Variants in LRRC37B observed in about 807,000 individuals in gnomAD.
LRRC37B encodes leucine-rich repeat-containing protein 37B.
In LRRC37B, 28 loss-of-function variants were observed where a neutral mutation model predicts 98.3. The observed-to-expected ratio is 0.28, with a 90% CI of 0.21 to 0.39. The LOEUF (loss-of-function observed/expected upper bound fraction) is 0.39. Among genes scored for constraint, LRRC37B ranks in the 10% least tolerant of loss-of-function variants. The pLI is 1.00. For synonymous variants in LRRC37B, 364 were observed against 442.7 expected (o/e 0.82, Z 2.23); for missense variants, 938 against 1,182.7 (o/e 0.79, Z 3.03).
chr17:32,009,042 T>C lies in LRRC37B; in HGVS notation c.-191+910T>C, dbSNP rs780182877. 3.2e-4 allele frequency among the ~76,000 whole-genome samples: 49 copies of C among 152,326 alleles called. No homozygotes were observed. In the Middle Eastern group the frequency reaches 0.017, roughly 53 times the overall value. On this transcript the variant is annotated intron_variant, in intron 1 of 14. Coordinates refer to the LRRC37B transcript ENST00000543378. ...AAGTAGCTGTACCATTTTTCATTCT[T>C]ACCTGCAAATGTATGAAGAGTTCCG...
chr17:32,031,867 G>T (rs1384322195), intron 5 of LRRC37B, among the ~76,000 whole-genome samples: 1 of 151,942 alleles, frequency 6.6e-6, no homozygotes, highest in African/African-American at 2.4e-5. Flanking sequence ...TTAGCTGGGC[G>T]TAGTGATGCA....
intron 1 of LRRC37B, among the ~76,000 whole-genome samples, chr17:32,013,714 G>A (rs561361216): frequency 3.3e-5 from 5 of 150,230 alleles, no homozygotes; most frequent in Non-Finnish European, 7.4e-5. Context: ...TTGTATATGT[G>A]TGTGTGTGTG....
intron 5 of LRRC37B, 96 bp from the exon 9 acceptor site, chr17:32,034,814 T>G: frequency 2.3e-6 from 2 of 880,228 alleles, no homozygotes; most frequent in Non-Finnish European, 3.6e-6. Context: ...TTATTTTTTT[T>G]ACCTAAAAGT....
At chr17:32,024,354 C>T in intron 1 of LRRC37B, 1 of 584,846 alleles carries the variant, frequency 1.7e-6, no homozygotes, top group Non-Finnish European at 3.1e-6. Flanking sequence ...TAAGCTTATG[C>T]CCATTTTTCT....
chr17:32,007,858 C>T (rs1021621263), upstream of LRRC37B: 33 of 1,147,048 alleles, frequency 2.9e-5, no homozygotes, highest in Admixed American at 4.7e-5. This position sits in a 1 kb window ranked among gnomAD's most constrained non-coding sequence, Gnocchi z 4.1. Flanking sequence ...GCGCCGGCAC[C>T]AGCGCACGGG....
chr17:32,047,605 A>C (rs1050159126), intron 8 of LRRC37B, 156 bp from the exon 12 acceptor site: 131 of 1,067,222 alleles, frequency 1.2e-4, no homozygotes, highest in Non-Finnish European at 1.8e-4. Flanking sequence ...TTGCCATTTC[A>C]TAGGTTTAGG....
At chr17:32,047,861 G>A (rs775007013) in exon 9 of LRRC37B, 21 of 1,614,026 alleles carry the variant, frequency 1.3e-5, no homozygotes, top group South Asian at 3.3e-5. Flanking sequence ...AGTCGGAGGC[G>A]CCCTCAGACA....
At chr17:32,023,598 TG>T (rs1190650177) in intron 1 of LRRC37B, among the ~76,000 whole-genome samples, 1 of 152,216 alleles carries the variant, frequency 6.6e-6, no homozygotes, top group Non-Finnish European at 1.5e-5. Flanking sequence ...CCTTTTAAAC[TG>T]GGGATTATGC....
chr17:32,018,469 G>T (rs1910693808), upstream of LRRC37B, among the ~76,000 whole-genome samples: 1 of 152,144 alleles, frequency 6.6e-6, no homozygotes, highest in Non-Finnish European at 1.5e-5. Flanking sequence ...TGAGTGCAGG[G>T]TATTTCTGGG....
intron 3 of LRRC37B, 84 bp from the exon 7 acceptor site, chr17:32,030,572 A>G (rs1208764060): frequency 1.0e-5 from 13 of 1,262,208 alleles, no homozygotes; most frequent in African/African-American, 3.0e-5. Context: ...TGTGTATTCA[A>G]TATTATTCTA....
chr17:32,036,433 TATATA>T (rs1177563919), intron 7 of LRRC37B, among the ~76,000 whole-genome samples: 1 of 152,136 alleles, frequency 6.6e-6, no homozygotes, highest in Non-Finnish European at 1.5e-5. Flanking sequence ...AAAAATAAAA[TATATA>T]AAATAATACA....
intron 8 of LRRC37B, among the ~76,000 whole-genome samples, chr17:32,046,065 A>G (rs1911569095): frequency 2.0e-5 from 3 of 152,350 alleles, no homozygotes; most frequent in South Asian, 4.1e-4. Flanking sequence ...TGGGAAGGCT[A>G]GGGAATAACA....
chr17:32,030,437 T>G (rs1911080374), intron 3 of LRRC37B, among the ~76,000 whole-genome samples: 1 of 150,864 alleles, frequency 6.6e-6, no homozygotes, highest in Admixed American at 6.6e-5. Context: ...AATTCCAAAG[T>G]CTATTAAGTT....
chr17:32,018,058 T>C (rs971317337), upstream of LRRC37B: 2 of 205,490 alleles, frequency 9.7e-6, no homozygotes, highest in Non-Finnish European at 1.1e-5. Context: ...AATTCAAGTA[T>C]GTGGAGATAA....
At chr17:32,024,328 T>A in intron 1 of LRRC37B, 1 of 572,548 alleles carries the variant, frequency 1.7e-6, no homozygotes, top group Non-Finnish European at 3.2e-6. Context: ...TCTTTCTACT[T>A]ATTTATCGAT....
chr17:32,046,803 G>A (rs1371938244), intron 8 of LRRC37B, among the ~76,000 whole-genome samples: 3 of 151,854 alleles, frequency 2.0e-5, no homozygotes, highest in Non-Finnish European at 2.9e-5. Flanking sequence ...TACTTCTTCC[G>A]CTGACCTTCA....
chr17:32,041,889 GA>G (rs1262216158), intron 7 of LRRC37B: 7 of 452,590 alleles, frequency 1.5e-5, no homozygotes, highest in Non-Finnish European at 3.1e-5. Flanking sequence ...CCTCCGTCCT[GA>G]CCCCATGGGG....
At chr17:32,032,443 G>A (rs1024019148) in intron 5 of LRRC37B, among the ~76,000 whole-genome samples, 13 of 152,148 alleles carry the variant, frequency 8.5e-5, no homozygotes, top group African/African-American at 2.4e-4. Context: ...CTCTTCTACC[G>A]TAAGTGCAAA....
rs1911637083 is a variant in LRRC37B at position 32,047,908 on chromosome 17, AG to A, written c.2464+8del. On this transcript the variant is annotated splice_region_variant and intron_variant, in intron 9 of 11. Coordinates refer to ENST00000327564, the Ensembl canonical transcript of LRRC37B. ...AACTTGTCAGGCTTTGGGGGTGAGC[AG>A]CTAGACACCAATGACGAGAGTGATG... is the stretch of plus-strand genomic sequence containing the variant. 1 of 1,614,042 alleles carries A rather than the reference AG, an allele frequency of 6.2e-7. No homozygotes were observed. Among genetic ancestry groups the A allele is most frequent in the Non-Finnish European group, 8.5e-7 (1 of 1,180,012 alleles).
Sources: gnomAD v4.1 joint callset for allele counts (sites outside exome capture counted in the v4.1 genomes callset) on GRCh38, gnomAD v4.1.1 for gene constraint, Gnocchi (gnomAD v3.1) non-coding constraint, MANE v1.5 for transcripts, NCBI Gene and HGNC (gene_info 2026-07-23, HGNC 2026-07-21) for gene names.